The following DPYD variants were observed in gnomAD, a reference collection of about 807,000 sequenced individuals.
DPYD encodes the protein dihydropyrimidine dehydrogenase, also known as dihydropyrimidine dehydrogenase [NADP(+)].
Under a neutral mutation model 116.2 loss-of-function variants are expected in DPYD, and 109 were observed. The observed-to-expected ratio is 0.94, with a 90% CI of 0.80 to 1.10. DPYD has a LOEUF of 1.10. Ranked by LOEUF, DPYD falls within the 50% of genes least tolerant of loss-of-function variation. The pLI is 0.00. For missense variants in DPYD, 1,302 were observed against 1,254.5 expected (o/e 1.04, Z -0.57); for synonymous variants, 440 against 432.0 (o/e 1.02, Z -0.23).
At chr1:97,136,512 A>G (rs1653811264) in intron 20 of DPYD, among the ~76,000 whole-genome samples, 1 of 151,806 alleles carries the variant, frequency 6.6e-6, no homozygotes, top group Admixed American at 6.6e-5. Context: ...ACGTAATGAG[A>G]TTTTTTTTCC....
At chr1:97,869,062 A>G (rs1189931425) in intron 2 of DPYD, among the ~76,000 whole-genome samples, 1 of 151,756 alleles carries the variant, frequency 6.6e-6, no homozygotes, top group South Asian at 2.1e-4. Flanking sequence ...TTTTCAGTAC[A>G]TGTTGCAAGT....
At chr1:97,801,345 T>C (rs1435464530) in intron 3 of DPYD, among the ~76,000 whole-genome samples, 2 of 151,884 alleles carry the variant, frequency 1.3e-5, no homozygotes, top group Admixed American at 1.3e-4. Context: ...GATCCATTGA[T>C]GGCATTTTGC....
chr1:97,791,305 C>A (rs906695460), intron 3 of DPYD, among the ~76,000 whole-genome samples: 6 of 152,186 alleles, frequency 3.9e-5, no homozygotes, highest in Admixed American at 3.9e-4. Flanking sequence ...AAGACAGGAA[C>A]ACCCAGTCCC....
chr1:97,551,070 T>C (rs2102090769), intron 11 of DPYD, among the ~76,000 whole-genome samples: 1 of 152,230 alleles, frequency 6.6e-6, no homozygotes, highest in South Asian at 2.1e-4. Flanking sequence ...ACTACAGTTT[T>C]TGGAGCAGAG....
At chr1:97,284,980 T>G (rs1357292979) in intron 18 of DPYD, among the ~76,000 whole-genome samples, 1 of 152,192 alleles carries the variant, frequency 6.6e-6, no homozygotes, top group Non-Finnish European at 1.5e-5. Flanking sequence ...TCTGCTTGTT[T>G]GGGAAAATCC....
Position 97,102,400 on chromosome 1 carries a change from T to TATATATAC in DPYD, c.2623-3769_2623-3768insGTATATAT, listed in dbSNP as rs1186411348. 5.1e-3 allele frequency among the ~76,000 whole-genome samples: 702 copies of TATATATAC among 138,500 alleles called. 11 individuals are homozygous for TATATATAC. Among genetic ancestry groups the TATATATAC allele is most frequent in the African/African-American group, 0.017 (656 of 37,774 alleles). 90.9% of individuals were successfully genotyped at this position (138,500 alleles called of 152,430 possible). A position where few individuals can be genotyped will look rare whatever the true frequency, so the allele number is the denominator to read the frequency against. On this transcript the variant is annotated intron_variant, in intron 20 of 22. Transcript: ENST00000370192. ...TCAGAATATATCACTCAGTATCATA[T>TATATATAC]ATATATATATATATATATATGTATA...
intron 3 of DPYD, among the ~76,000 whole-genome samples, chr1:97,805,114 C>T (rs183569574): frequency 2.0e-5 from 3 of 151,930 alleles, no homozygotes; most frequent in African/African-American, 7.2e-5. Flanking sequence ...ATGCAGAACC[C>T]TGGGAATGTA....
chr1:97,711,075 T>C (rs1662258004), intron 5 of DPYD, among the ~76,000 whole-genome samples: 1 of 151,910 alleles, frequency 6.6e-6, no homozygotes, highest in Admixed American at 6.6e-5. Context: ...TACAAGGCAC[T>C]CTCTGGGGAA....
chr1:97,503,290 C>G (rs1679699102), intron 13 of DPYD, among the ~76,000 whole-genome samples: 1 of 152,002 alleles, frequency 6.6e-6, no homozygotes, highest in Non-Finnish European at 1.5e-5. Context: ...AAGCCATATA[C>G]TAAGTGGCTG....
At chr1:97,527,672 T>C (rs1649250675) in intron 12 of DPYD, among the ~76,000 whole-genome samples, 1 of 151,886 alleles carries the variant, frequency 6.6e-6, no homozygotes, top group African/African-American at 2.4e-5. Flanking sequence ...CGTGGGGTCA[T>C]GGAATTATAG....
At position 97,653,237 on chromosome 1, in the gene DPYD, A is replaced by G. The variant is rs1447406929; in HGVS notation, c.850+25858T>C. On this transcript the variant is annotated intron_variant, in intron 8 of 22. Transcript: ENST00000370192. ...CCTTTCAAAAATCTGACAAATCATT[A>G]AATGAAAGAATGGAATCAGGTAAAA... is the stretch of plus-strand genomic sequence containing the variant. Among the ~76,000 whole-genome samples, 42 of 152,160 alleles carry G rather than the reference A, an allele frequency of 2.8e-4. 1 individual carries two copies. The highest frequency in any genetic ancestry group is 2.8e-3 in the Admixed American group (42 of 15,272).
intron 8 of DPYD, among the ~76,000 whole-genome samples, chr1:97,624,016 A>G (rs556736937): frequency 6.6e-6 from 1 of 152,154 alleles, no homozygotes; most frequent in Non-Finnish European, 1.5e-5. Context: ...CAGAAACTCT[A>G]AAATTGCCAG....
chr1:97,860,788 A>G (rs905339309), intron 2 of DPYD, among the ~76,000 whole-genome samples: 2 of 152,036 alleles, frequency 1.3e-5, no homozygotes, highest in Non-Finnish European at 2.9e-5. Flanking sequence ...TAAAAAAATC[A>G]CATTATATGA....
At chr1:97,523,089 C>T (rs986409826) in intron 12 of DPYD, among the ~76,000 whole-genome samples, 6 of 152,082 alleles carry the variant, frequency 3.9e-5, no homozygotes, top group African/African-American at 1.4e-4. Flanking sequence ...TGGACATCAC[C>T]ATGACCTCTT....
intron 18 of DPYD, among the ~76,000 whole-genome samples, chr1:97,281,420 A>G (rs562748486): frequency 6.6e-5 from 10 of 151,870 alleles, no homozygotes; most frequent in Non-Finnish European, 1.2e-4. Context: ...AAATATATAT[A>G]TGGATGTGCA....
At chr1:97,884,358 T>C (rs1672380412) in intron 1 of DPYD, among the ~76,000 whole-genome samples, 1 of 152,020 alleles carries the variant, frequency 6.6e-6, no homozygotes, top group Admixed American at 6.6e-5. Flanking sequence ...TCAATAATGA[T>C]TATGTGTTGA....
chr1:97,814,313 A>G (rs1668473373), intron 3 of DPYD, among the ~76,000 whole-genome samples: 1 of 152,196 alleles, frequency 6.6e-6, no homozygotes, highest in South Asian at 2.1e-4. Context: ...GGTTTTTGCA[A>G]GACAAGTTAG....
At chr1:97,822,933 T>C (rs1474160530) in intron 3 of DPYD, among the ~76,000 whole-genome samples, 4 of 152,236 alleles carry the variant, frequency 2.6e-5, no homozygotes, top group Non-Finnish European at 5.9e-5. Flanking sequence ...GTCATACATA[T>C]GGCAATATAG....
intron 4 of DPYD, among the ~76,000 whole-genome samples, chr1:97,725,138 G>A (rs1190960004): frequency 6.6e-6 from 1 of 151,608 alleles, no homozygotes; most frequent in African/African-American, 2.4e-5. Context: ...CAAATTAATT[G>A]TATTTCAATA....
Sources: gnomAD v4.1 joint callset for allele counts (sites outside exome capture counted in the v4.1 genomes callset) on GRCh38, gnomAD v4.1.1 for gene constraint, MANE v1.5 for transcripts, NCBI Gene and HGNC (gene_info 2026-07-23, HGNC 2026-07-21) for gene names.